CADPS: variants seen among roughly 807,000 people sequenced by gnomAD.
CADPS encodes the protein calcium-dependent secretion activator 1.
A neutral mutation model predicts 167.3 loss-of-function variants in CADPS; 57 were observed. The observed-to-expected ratio is 0.34, with a 90% CI of 0.28 to 0.42. The LOEUF is 0.42. CADPS is among the 20% of genes least tolerant of loss of function. CADPS has a pLI of 1.00. For synonymous variants in CADPS, 676 were observed against 635.3 expected (o/e 1.06, Z -0.96); for missense variants, 1,414 against 1,738.1 (o/e 0.81, Z 3.32).
rs2055569512 is a variant in CADPS at position 62,438,290 on chromosome 3, A to G, written c.3670-79T>C. On this transcript the variant is annotated intron_variant, in intron 27 of 29. Transcript: ENST00000383710. The surrounding 1 kb of genome is among the most constrained non-coding windows in gnomAD (Gnocchi z 4.7). ...TGTTTACCATTCACTTGTACCCTCT[A>G]CTTGCCCTCACACACCCTGAGATGC... The G allele has an allele frequency of 2.0e-6, 2 of 987,138 alleles. No individual in the cohort carries two copies. The highest frequency in any genetic ancestry group is 1.6e-5 in the African/African-American group (1 of 63,022). 61.1% of individuals were successfully genotyped at this position (987,138 alleles called of 1,614,324 possible).
chr3:62,807,994 C>T (rs1576680087), intron 1 of CADPS, among the ~76,000 whole-genome samples: 1 of 152,084 alleles, frequency 6.6e-6, no homozygotes, highest in African/African-American at 2.4e-5. Context: ...CTGCCTCAGC[C>T]TCCCGAGTAG....
At chr3:62,691,361 A>G (rs184123266) in intron 3 of CADPS, among the ~76,000 whole-genome samples, 2 of 152,136 alleles carry the variant, frequency 1.3e-5, no homozygotes, top group Admixed American at 1.3e-4. Context: ...AGGCTCATCA[A>G]CTGTTACAAA....
At chr3:62,537,226 T>A (rs1403799798) in intron 11 of CADPS, among the ~76,000 whole-genome samples, 5 of 152,210 alleles carry the variant, frequency 3.3e-5, no homozygotes, top group Admixed American at 3.3e-4. Context: ...GTGTGCTTAC[T>A]CAGTTAGCAA....
intron 1 of CADPS, among the ~76,000 whole-genome samples, chr3:62,789,418 G>A (rs893679553): frequency 1.3e-5 from 2 of 152,186 alleles, no homozygotes; most frequent in African/African-American, 2.4e-5. Flanking sequence ...AGGAGTATGT[G>A]AGTCTAATCA....
chr3:62,727,299 A>C (rs1356194186), intron 3 of CADPS, among the ~76,000 whole-genome samples: 1 of 151,922 alleles, frequency 6.6e-6, no homozygotes, highest in African/African-American at 2.4e-5. Flanking sequence ...CAACAATATA[A>C]ATAAAGCTCA....
chr3:62,592,401 A>G (rs553952588), intron 7 of CADPS, among the ~76,000 whole-genome samples: 1 of 152,230 alleles, frequency 6.6e-6, no homozygotes, highest in Admixed American at 6.5e-5. Context: ...CTCCTGCTCT[A>G]TCTCCTGTAG....
intron 5 of CADPS, among the ~76,000 whole-genome samples, chr3:62,647,431 CTTTCTT>C (rs1454016886): frequency 6.6e-6 from 1 of 152,150 alleles, no homozygotes; most frequent in Non-Finnish European, 1.5e-5. Flanking sequence ...GAGCCCAGGA[CTTTCTT>C]TTTCTAACAA....
chr3:62,662,236 G>T, intron 4 of CADPS, 78 bp downstream of exon 4: 2 of 1,188,522 alleles, frequency 1.7e-6, no homozygotes, highest in Non-Finnish European at 1.3e-6. Flanking sequence ...TTATCCTTTA[G>T]AGGCTGTCAA....
At chr3:62,552,241 G>T (rs1391282125) in intron 10 of CADPS, among the ~76,000 whole-genome samples, 1 of 113,382 alleles carries the variant, frequency 8.8e-6, no homozygotes, top group Non-Finnish European at 1.7e-5. Flanking sequence ...GGTGGGGGGA[G>T]GGGGGAGGGA....
At chr3:62,554,363 C>T (rs539913836) in intron 10 of CADPS, among the ~76,000 whole-genome samples, 39 of 152,268 alleles carry the variant, frequency 2.6e-4, no homozygotes, top group South Asian at 2.3e-3. Context: ...GGGGGAACCA[C>T]GTAGATTGTA....
intron 13 of CADPS, 48 bp downstream of exon 13, chr3:62,532,816 CATTGCCA>C: frequency 6.5e-7 from 1 of 1,538,416 alleles, no homozygotes; most frequent in South Asian, 1.1e-5. Flanking sequence ...AGCCATAAAC[CATTGCCA>C]GTGCCATTTC....
intron 1 of CADPS, among the ~76,000 whole-genome samples, chr3:62,870,909 T>C (rs1265542876): frequency 1.3e-5 from 2 of 152,114 alleles, no homozygotes; most frequent in African/African-American, 2.4e-5. Flanking sequence ...GGTATTCACT[T>C]TACCATTCTG....
chr3:62,563,978 G>T (rs1251209016), intron 9 of CADPS, among the ~76,000 whole-genome samples: 1 of 152,038 alleles, frequency 6.6e-6, no homozygotes, highest in African/African-American at 2.4e-5. Context: ...GTTATTGAAG[G>T]CACTTGCAAT....
intron 1 of CADPS, among the ~76,000 whole-genome samples, chr3:62,828,423 C>A (rs1396608630): frequency 6.6e-6 from 1 of 152,082 alleles, no homozygotes; most frequent in African/African-American, 2.4e-5. Context: ...AAACGTGGAA[C>A]TACTGACAAG....
At chr3:62,536,379 TA>T in intron 12 of CADPS, 65 bp downstream of exon 12, 1 of 1,366,616 alleles carries the variant, frequency 7.3e-7, no homozygotes. Flanking sequence ...GACATAAAGG[TA>T]GAGAAATATT....
At position 62,544,313 on chromosome 3, in the gene CADPS, G is replaced by C. The variant is rs1460803114; in HGVS notation, c.1966+5590C>G. Among the ~76,000 whole-genome samples the C allele has an allele frequency of 6.6e-6, 1 of 151,940 alleles. No homozygotes were observed. Among genetic ancestry groups the C allele is most frequent in the Non-Finnish European group, 1.5e-5 (1 of 67,986 alleles). On this transcript the variant is annotated intron_variant, in intron 11 of 29. Coordinates refer to ENST00000383710, the MANE Select transcript of CADPS (RefSeq NM_003716.4). This position sits in a 1 kb window ranked among gnomAD's most constrained non-coding sequence, Gnocchi z 4.4. ...TAATTGTATTTTGCAATTTCTTCTAGTCTTGCTCAGTTAACAACTCTGGGT... is the reference window on the plus strand; with the variant it reads ...TAATTGTATTTTGCAATTTCTTCTACTCTTGCTCAGTTAACAACTCTGGGT...
intron 26 of CADPS, among the ~76,000 whole-genome samples, chr3:62,462,178 C>G (rs1334469448): frequency 6.6e-6 from 1 of 152,248 alleles, no homozygotes. Context: ...CAGATAGTTG[C>G]TAATTGCGTC....
intron 28 of CADPS, among the ~76,000 whole-genome samples, chr3:62,435,336 G>A (rs2054777570): frequency 6.6e-6 from 1 of 152,150 alleles, no homozygotes; most frequent in Admixed American, 6.5e-5. Flanking sequence ...TGCAGAGCAT[G>A]TACACAAAGA....
At chr3:62,673,030 A>C (rs1455382667) in intron 3 of CADPS, among the ~76,000 whole-genome samples, 1 of 152,178 alleles carries the variant, frequency 6.6e-6, no homozygotes, top group East Asian at 1.9e-4. Context: ...GGCCACCCTA[A>C]CATCCTGAAC....
Sources: allele counts gnomAD v4.1 joint callset (sites outside exome capture counted in the v4.1 genomes callset), GRCh38; gene constraint gnomAD v4.1.1; non-coding constraint Gnocchi (gnomAD v3.1); transcripts MANE v1.5; gene names NCBI Gene and HGNC (gene_info 2026-07-23, HGNC 2026-07-21).